SCAPER: variants seen among roughly 807,000 people sequenced by gnomAD.
SCAPER encodes S-phase cyclin A associated protein in the ER, also known as S phase cyclin A-associated protein in the endoplasmic reticulum.
SCAPER carries 98 observed loss-of-function variants against 182.2 expected under a neutral mutation model. The ratio of observed to expected loss-of-function variants is 0.54; its 90% CI spans 0.46 to 0.64. SCAPER has a LOEUF of 0.64. Ranked by LOEUF, SCAPER falls within the 30% of genes least tolerant of loss-of-function variation. The pLI is 0.00. For missense variants in SCAPER, 1,432 were observed against 1,690.0 expected (o/e 0.85, Z 2.68); for synonymous variants, 605 against 564.6 (o/e 1.07, Z -1.01).
intron 2 of SCAPER, among the ~76,000 whole-genome samples, chr15:76,882,909 C>G (rs2073646627): frequency 6.6e-6 from 1 of 152,184 alleles, no homozygotes; most frequent in African/African-American, 2.4e-5. Flanking sequence ...TGTGATCCGC[C>G]CGTCTAGGCC....
At position 76,811,249 on chromosome 15, in the gene SCAPER, G is replaced by T. The variant is rs757478105; in HGVS notation, c.394-6616C>A. Among the ~76,000 whole-genome samples, 30 of 151,682 alleles carry T rather than the reference G, an allele frequency of 2.0e-4. 1 individual carries two copies. The highest frequency in any genetic ancestry group is 3.2e-4 in the Non-Finnish European group (22 of 67,962). On this transcript the variant is annotated intron_variant, in intron 5 of 31. Coordinates refer to ENST00000563290, the MANE Select transcript of SCAPER (RefSeq NM_020843.4). ...TCAGGGCAGATCACAAAACAAGTTA[G>T]GTCTCAAAAAAGTCTTAACAAATTA...
At chr15:76,837,745 G>A (rs934735858) in intron 5 of SCAPER, among the ~76,000 whole-genome samples, 4 of 152,020 alleles carry the variant, frequency 2.6e-5, no homozygotes, top group African/African-American at 9.7e-5. Flanking sequence ...ATTTAAAGCT[G>A]GGCAAAGTAC....
intron 2 of SCAPER, among the ~76,000 whole-genome samples, chr15:76,866,274 T>C (rs982563489): frequency 1.3e-5 from 2 of 152,056 alleles, no homozygotes; most frequent in African/African-American, 4.8e-5. Context: ...TGTGTGTGTA[T>C]ATCAGGTCAG....
At chr15:76,470,881 C>A (rs981888344) in intron 25 of SCAPER, among the ~76,000 whole-genome samples, 2 of 152,144 alleles carry the variant, frequency 1.3e-5, no homozygotes, top group African/African-American at 4.8e-5. Flanking sequence ...TTCTACAGTA[C>A]TAATTCCTGT....
intron 1 of SCAPER, among the ~76,000 whole-genome samples, chr15:76,900,041 C>G (rs2074681620): frequency 6.6e-6 from 1 of 152,122 alleles, no homozygotes; most frequent in Non-Finnish European, 1.5e-5. Flanking sequence ...AACCTTACCC[C>G]CAACCCCCTG....
chr15:76,709,603 C>T (rs983110374), intron 17 of SCAPER, among the ~76,000 whole-genome samples: 3 of 152,164 alleles, frequency 2.0e-5, no homozygotes, highest in African/African-American at 4.8e-5. Flanking sequence ...AAACCCAAGC[C>T]TGATGGCTTT....
In SCAPER at chr15:76,376,274, C is replaced by T. The variant is rs1364511361; in HGVS notation, c.3743G>A (p.Arg1248Gln). 7 of 1,613,588 alleles carry T rather than the reference C, an allele frequency of 4.3e-6. No individual in the cohort carries two copies. Among genetic ancestry groups the T allele is most frequent in the Non-Finnish European group, 5.9e-6 (7 of 1,179,788 alleles). Residue 1248 changes from arginine to glutamine, a missense_variant, in exon 29 of 32, where the codon CGG becomes CAG. Physicochemically the swap from Arg to Gln is conservative, Grantham distance 43. Around this residue, in one of 5 missense-constraint regions of SCAPER, gnomAD observed 718 missense variants for 799.7 expected, o/e 0.90. Coordinates refer to ENST00000563290, the MANE Select transcript of SCAPER (RefSeq NM_020843.4). Reference sequence around the variant, plus strand: ...GCCCAGCAGGGAGCTGGCCATGTGCCGGAATGCAAGGGACAAGCCCTCTGC... The same window carrying T: ...GCCCAGCAGGGAGCTGGCCATGTGCTGGAATGCAAGGGACAAGCCCTCTGC... ...VGAEGLSLAF[R>Q]HMASSLLGHC...
intron 22 of SCAPER, chr15:76,586,778 T>A (rs141775583): frequency 6.6e-6 from 1 of 152,256 alleles, no homozygotes; most frequent in Non-Finnish European, 1.5e-5. Flanking sequence ...TTTTTTATGT[T>A]CTTTCCTGGT....
chr15:76,500,341 G>A (rs2040990243), intron 24 of SCAPER, among the ~76,000 whole-genome samples: 1 of 152,242 alleles, frequency 6.6e-6, no homozygotes, highest in Non-Finnish European at 1.5e-5. Context: ...GTAGCTCAGA[G>A]TTTACTATTT....
chr15:76,530,789 C>T (rs1185592201), intron 23 of SCAPER, among the ~76,000 whole-genome samples: 3 of 151,288 alleles, frequency 2.0e-5, no homozygotes, highest in Admixed American at 6.6e-5. Flanking sequence ...AAGGAAAAAG[C>T]GAAAGGAAAG....
chr15:76,447,447 C>T (rs2048078980), intron 25 of SCAPER, among the ~76,000 whole-genome samples: 2 of 152,208 alleles, frequency 1.3e-5, no homozygotes, highest in Non-Finnish European at 2.9e-5. Context: ...TGATTGGCAT[C>T]TGAAGTGGTG....
chr15:76,632,700 T>C (rs1467028435), intron 21 of SCAPER, among the ~76,000 whole-genome samples: 3 of 152,076 alleles, frequency 2.0e-5, no homozygotes, highest in African/African-American at 4.8e-5. Flanking sequence ...TTCTGAGTTT[T>C]CAGCATTTTT....
chr15:76,552,985 T>C (rs1353514818), intron 23 of SCAPER, among the ~76,000 whole-genome samples: 1 of 152,190 alleles, frequency 6.6e-6, no homozygotes, highest in Non-Finnish European at 1.5e-5. Flanking sequence ...AGACCGCTTT[T>C]ACCTGTTGGA....
At chr15:76,858,803 C>T (rs1348934680) in intron 3 of SCAPER, among the ~76,000 whole-genome samples, 1 of 141,314 alleles carries the variant, frequency 7.1e-6, no homozygotes, top group Admixed American at 7.1e-5. Context: ...AACATGATTT[C>T]ATTCTTTTTA....
chr15:76,704,204 A>G (rs2059120724), intron 18 of SCAPER, among the ~76,000 whole-genome samples: 1 of 152,212 alleles, frequency 6.6e-6, no homozygotes, highest in Non-Finnish European at 1.5e-5. Flanking sequence ...AGTCATTAGT[A>G]AATTGCTTAG....
intron 26 of SCAPER, among the ~76,000 whole-genome samples, chr15:76,410,242 G>A (rs1056649222): frequency 1.3e-5 from 2 of 152,110 alleles, no homozygotes; most frequent in African/African-American, 4.8e-5. Context: ...CCAAATGAAT[G>A]TCATTATTCA....
intron 22 of SCAPER, among the ~76,000 whole-genome samples, chr15:76,606,396 T>C (rs1286929213): frequency 6.6e-6 from 1 of 152,174 alleles, no homozygotes; most frequent in African/African-American, 2.4e-5. Context: ...TTGTTATAAT[T>C]TCTGTTCTTT....
At chr15:76,556,379 A>C (rs2046197757) in intron 23 of SCAPER, among the ~76,000 whole-genome samples, 1 of 152,210 alleles carries the variant, frequency 6.6e-6, no homozygotes, top group African/African-American at 2.4e-5. Flanking sequence ...TAACAAAATC[A>C]GAGCTGAACT....
intron 23 of SCAPER, among the ~76,000 whole-genome samples, chr15:76,510,578 A>C (rs1234235208): frequency 1.3e-5 from 2 of 152,220 alleles, no homozygotes; most frequent in African/African-American, 4.8e-5. Flanking sequence ...TGGCTATTAA[A>C]AAAAATAGAT....
Sources: gnomAD v4.1 joint callset for allele counts (sites outside exome capture counted in the v4.1 genomes callset) on GRCh38, gnomAD v4.1.1 for gene constraint, gnomAD v4.1.1 regional missense constraint, MANE v1.5 for transcripts, NCBI Gene and HGNC (gene_info 2026-07-23, HGNC 2026-07-21) for gene names.